The following IDE variants were observed in gnomAD, a reference collection of about 807,000 sequenced individuals.
IDE encodes insulin-degrading enzyme.
In IDE, 58 loss-of-function variants were observed where a neutral mutation model predicts 133.2. The observed-to-expected ratio is 0.44, with a 90% CI of 0.35 to 0.54. IDE has a LOEUF of 0.54. Among genes scored for constraint, IDE ranks in the 20% least tolerant of loss-of-function variants. The pLI is 0.00. For missense variants in IDE, 981 were observed against 1,234.0 expected (o/e 0.79, Z 3.07); for synonymous variants, 396 against 421.3 (o/e 0.94, Z 0.73).
At chr10:92,551,109 G>C (rs978555081) in intron 1 of IDE, among the ~76,000 whole-genome samples, 1 of 152,192 alleles carries the variant, frequency 6.6e-6, no homozygotes, top group Non-Finnish European at 1.5e-5. Context: ...GTACAGCTAT[G>C]TTCATAGCAG....
In IDE at chr10:92,483,274, G is replaced by A. The variant is rs1390374448; in HGVS notation, c.1720C>T (p.Leu574Phe). ...ACATACCTGAAAAATTCAAAGTTGA[G>A]ACAAGCCTTCGGCAAAAAAAACTTA... is the stretch of plus-strand genomic sequence containing the variant. ...DDKFFLPKAC[L>F]NFEFFSPFAY... Residue 574 changes from leucine (L) to phenylalanine (F), a missense_variant, in exon 14 of 25, where the codon CTC becomes TTC. Physicochemically the swap from Leu to Phe is conservative, Grantham distance 22. Coordinates refer to ENST00000265986, the MANE Select transcript of IDE (RefSeq NM_004969.4). 6.3e-7 allele frequency: 1 copy of A among 1,599,908 alleles called. No homozygotes were observed. Among genetic ancestry groups the A allele is most frequent in the Admixed American group, 1.7e-5 (1 of 59,978 alleles).
chr10:92,567,658 C>G (rs1019445617), intron 1 of IDE, among the ~76,000 whole-genome samples: 3 of 152,164 alleles, frequency 2.0e-5, no homozygotes, highest in African/African-American at 7.2e-5. Flanking sequence ...TGAACCTTTG[C>G]TAATACCATT....
intron 13 of IDE, among the ~76,000 whole-genome samples, chr10:92,484,943 G>A (rs762912511): frequency 6.6e-5 from 10 of 151,662 alleles, no homozygotes; most frequent in South Asian, 2.1e-4. Flanking sequence ...GTAGTCCTAC[G>A]TACACAAGAG....
chr10:92,555,428 C>A (rs1392132267), intron 1 of IDE, among the ~76,000 whole-genome samples: 1 of 147,090 alleles, frequency 6.8e-6, no homozygotes, highest in Admixed American at 7.0e-5. Context: ...ACCCAGGAGG[C>A]GGAGGTTGCG....
At chr10:92,540,244 CAAAAG>C (rs1842230697) in intron 1 of IDE, among the ~76,000 whole-genome samples, 1 of 109,664 alleles carries the variant, frequency 9.1e-6, no homozygotes, top group South Asian at 3.0e-4. Flanking sequence ...GACTCCGTCT[CAAAAG>C]AAAAAAAAAA....
At chr10:92,468,155 G>A (rs1225924701) in intron 19 of IDE, among the ~76,000 whole-genome samples, 1 of 152,094 alleles carries the variant, frequency 6.6e-6, no homozygotes, top group Non-Finnish European at 1.5e-5. Context: ...TGTAGGCACT[G>A]GCCCATGAAG....
Position 92,454,260 on chromosome 10 carries a change from T to C in IDE, c.*184A>G. ...AGAGGCATGTATTTAAAAAATATTC[T>C]ACATCTATAAGATTTTGTAATTTAC... On this transcript the variant is annotated 3_prime_UTR_variant, in exon 25 of 25. Coordinates refer to ENST00000265986, the MANE Select transcript of IDE (RefSeq NM_004969.4). 2.1e-6 allele frequency: 1 copy of C among 481,532 alleles called. No homozygotes were observed. The highest frequency in any genetic ancestry group is 3.7e-6 in the Non-Finnish European group (1 of 269,714). The allele number at this position is 481,532 out of a possible 1,614,324, so 29.8% of individuals were successfully genotyped here.
chr10:92,473,181 C>T (rs564620326), intron 17 of IDE, among the ~76,000 whole-genome samples: 33 of 152,072 alleles, frequency 2.2e-4, no homozygotes, highest in Middle Eastern at 3.4e-3. Context: ...CCGCCTGCCT[C>T]GGCCTCCTAA....
At chr10:92,469,420 C>T (rs908656785) in intron 18 of IDE, among the ~76,000 whole-genome samples, 8 of 151,990 alleles carry the variant, frequency 5.3e-5, no homozygotes, top group Non-Finnish European at 1.5e-5. Context: ...GTGGTAGAGA[C>T]CAAGGGATCT....
chr10:92,474,913 C>A lies in IDE; in HGVS notation c.2044G>T (p.Ala682Ser), dbSNP rs1433003509. ...NFRAEQPHQH[A>S]MYYLRLLMTE... ...ATCAGCAAGCGGAGGTAGTACATGGCATGCTGGTGAGGCTGTTCAGCCCGG... is the reference window on the plus strand; with the variant it reads ...ATCAGCAAGCGGAGGTAGTACATGGAATGCTGGTGAGGCTGTTCAGCCCGG... Residue 682 changes from alanine to serine, a missense_variant, in exon 17 of 25, where the codon GCC (alanine) becomes TCC (serine). By Grantham distance (99) the Ala-to-Ser change is moderately conservative (BLOSUM62 1). Coordinates refer to ENST00000265986, the MANE Select transcript of IDE (RefSeq NM_004969.4). 6.2e-7 allele frequency: 1 copy of A among 1,613,516 alleles called. No individual in the cohort carries two copies. The highest frequency in any genetic ancestry group is 1.1e-5 in the South Asian group (1 of 91,050).
intron 1 of IDE, 115 bp downstream of exon 1, chr10:92,573,795 CCGGCGGGACGGG>C: frequency 1.5e-6 from 1 of 677,376 alleles, no homozygotes; most frequent in Non-Finnish European, 2.3e-6. Context: ...GGGCCCCAGG[CCGGCGGGACGGG>C]CGGCGTGAGG....
intron 1 of IDE, among the ~76,000 whole-genome samples, chr10:92,560,609 C>A (rs1843232168): frequency 6.6e-6 from 1 of 151,750 alleles, no homozygotes; most frequent in South Asian, 2.1e-4. Flanking sequence ...AAGGGGAAAC[C>A]TCGTCTCTAC....
rs375189780 is a variant in IDE, at chr10:92,556,922, CAA to C, written c.98+16998_98+16999del. Among the ~76,000 whole-genome samples, 414 of 83,114 alleles carry C rather than the reference CAA, an allele frequency of 5.0e-3. 4 individuals carry two copies. The highest frequency in any genetic ancestry group is 0.018 in the African/African-American group (378 of 21,262). The allele number at this position is 83,114 out of a possible 152,430, so 54.5% of individuals were successfully genotyped here. A position where few individuals can be genotyped will look rare whatever the true frequency, so the allele number is the denominator to read the frequency against. On this transcript the variant is annotated intron_variant, in intron 1 of 24. Coordinates refer to ENST00000265986, the MANE Select transcript of IDE (RefSeq NM_004969.4). ...TGGGCTACAGAGTGAGACTCCGCCT[CAA>C]AAAAAAAAAAAAAAAACTTATGCAT...
At chr10:92,502,166 G>C (rs776782058) in intron 11 of IDE, among the ~76,000 whole-genome samples, 2 of 151,968 alleles carry the variant, frequency 1.3e-5, no homozygotes, top group Non-Finnish European at 2.9e-5. Context: ...AAAAGAAAAA[G>C]AAAAACAGCC....
chr10:92,516,282 T>C (rs1383205549), intron 4 of IDE, among the ~76,000 whole-genome samples: 1 of 151,658 alleles, frequency 6.6e-6, no homozygotes, highest in African/African-American at 2.4e-5. Flanking sequence ...TCACCTGAGG[T>C]GAGGAGTTCA....
chr10:92,545,608 C>T (rs767174818), intron 1 of IDE, among the ~76,000 whole-genome samples: 1 of 152,184 alleles, frequency 6.6e-6, no homozygotes, highest in Non-Finnish European at 1.5e-5. Context: ...GACTGAAGAT[C>T]ATGCTTGCCC....
chr10:92,563,322 C>T (rs959659511), intron 1 of IDE, among the ~76,000 whole-genome samples: 7 of 151,704 alleles, frequency 4.6e-5, no homozygotes, highest in African/African-American at 1.5e-4. Flanking sequence ...TGTGTGGGTG[C>T]ATGCCTGTAG....
chr10:92,511,173 C>T (rs1051863107), intron 5 of IDE, among the ~76,000 whole-genome samples: 1 of 149,158 alleles, frequency 6.7e-6, no homozygotes, highest in African/African-American at 2.5e-5. Flanking sequence ...ACAATCCCAG[C>T]TAACTGCAAC....
intron 1 of IDE, among the ~76,000 whole-genome samples, chr10:92,539,153 T>G (rs1372764919): frequency 6.6e-6 from 1 of 152,120 alleles, no homozygotes; most frequent in African/African-American, 2.4e-5. Context: ...CAAAGGGGTT[T>G]GTTGCTACTA....
Sources: allele counts gnomAD v4.1 joint callset (sites outside exome capture counted in the v4.1 genomes callset), GRCh38; gene constraint gnomAD v4.1.1; transcripts MANE v1.5; gene names NCBI Gene and HGNC (gene_info 2026-07-23, HGNC 2026-07-21).